Variants in PXDN observed in about 807,000 individuals in gnomAD.
The protein encoded by PXDN is peroxidasin homolog.
In PXDN, 77 loss-of-function variants were observed where a neutral mutation model predicts 140.3. That is an observed-to-expected ratio of 0.55 (90% CI 0.46 to 0.66). The LOEUF is 0.66. Ranked by LOEUF, PXDN falls within the 30% of genes least tolerant of loss-of-function variation. The pLI, the probability that PXDN is intolerant of heterozygous loss-of-function variation, is 0.00. For missense variants in PXDN, 1,838 were observed against 2,039.5 expected (o/e 0.90, Z 1.90); for synonymous variants, 911 against 857.4 (o/e 1.06, Z -1.09).
At chr2:1,655,973 G>A (rs774691664) in intron 14 of PXDN, among the ~76,000 whole-genome samples, 5 of 150,636 alleles carry the variant, frequency 3.3e-5, no homozygotes, top group South Asian at 2.1e-4. Flanking sequence ...TAAATAACAC[G>A]CACATAGCCC....
chr2:1,716,598 C>T (rs1684902174), intron 1 of PXDN, among the ~76,000 whole-genome samples: 1 of 152,076 alleles, frequency 6.6e-6, no homozygotes, highest in Non-Finnish European at 1.5e-5. Flanking sequence ...CACAGGGACA[C>T]CCTCTACCTG....
intron 1 of PXDN, among the ~76,000 whole-genome samples, chr2:1,724,475 A>T (rs1225198179): frequency 6.6e-6 from 1 of 152,128 alleles, no homozygotes; most frequent in Non-Finnish European, 1.5e-5. Flanking sequence ...CATCTTTATG[A>T]GTGTTTATCT....
intron 13 of PXDN, 119 bp from the exon 14 acceptor site, chr2:1,661,156 G>T: frequency 8.3e-7 from 1 of 1,201,680 alleles, no homozygotes; most frequent in Non-Finnish European, 1.2e-6. Flanking sequence ...AAGCTCCCAG[G>T]CTGCGCTCAG....
chr2:1,683,228 A>G (rs1683956390), intron 6 of PXDN, among the ~76,000 whole-genome samples: 1 of 150,328 alleles, frequency 6.7e-6, no homozygotes, highest in South Asian at 2.1e-4. Context: ...AAAAAGAAAA[A>G]AAGAAAGAAA....
intron 1 of PXDN, among the ~76,000 whole-genome samples, chr2:1,718,494 CACTCAAACCT>C (rs1480221703): frequency 6.6e-6 from 1 of 152,168 alleles, no homozygotes; most frequent in Non-Finnish European, 1.5e-5. Context: ...ACTAACCTAC[CACTCAAACCT>C]ACTCCATTAA....
intron 16 of PXDN, among the ~76,000 whole-genome samples, chr2:1,652,533 C>T (rs547994757): frequency 1.1e-3 from 169 of 152,160 alleles, no homozygotes; most frequent in Non-Finnish European, 2.1e-3. Context: ...TGGAGTTTCA[C>T]CCATCGAGAA....
chr2:1,697,135 G>A (rs934382577), intron 1 of PXDN, among the ~76,000 whole-genome samples: 4 of 152,140 alleles, frequency 2.6e-5, no homozygotes, highest in African/African-American at 9.7e-5. Context: ...AGTAACGTGG[G>A]TTCAAATAAG....
At chr2:1,689,032 G>A (rs990328339) in intron 3 of PXDN, among the ~76,000 whole-genome samples, 3 of 151,880 alleles carry the variant, frequency 2.0e-5, no homozygotes, top group Non-Finnish European at 4.4e-5. Flanking sequence ...GCCTTAACAC[G>A]AACCACCCAG....
In PXDN at chr2:1,649,582, G is replaced by C. The variant is rs372430177; in HGVS notation, c.2198C>G (p.Ser733Trp). Reference sequence around the variant, plus strand: ...GTACTTCTGGTGGAAGCACATGTCCGAGCAGTTGTTCACGCGCCGGTGGGC... The same window carrying C: ...GTACTTCTGGTGGAAGCACATGTCCCAGCAGTTGTTCACGCGCCGGTGGGC... ...CTAHRRVNNC[S>W]DMCFHQKYRT... The change falls in exon 17 of 23, where the codon TCG becomes TGG. Residue 733 changes from serine to tryptophan, a missense_variant. This residue lies in a region of PXDN where 537 missense variants were observed against 583.9 expected (regional missense o/e 0.92). Transcript: ENST00000252804. The surrounding 1 kb of genome is among the most constrained non-coding windows in gnomAD (Gnocchi z 7.1). 10 of 1,613,918 alleles carry C rather than the reference G, an allele frequency of 6.2e-6. No homozygotes were observed. Among genetic ancestry groups the C allele is most frequent in the Non-Finnish European group, 7.6e-6 (9 of 1,179,908 alleles).
At chr2:1,737,187 CA>C (rs1685440827) in intron 1 of PXDN, among the ~76,000 whole-genome samples, 2 of 152,180 alleles carry the variant, frequency 1.3e-5, no homozygotes, top group Admixed American at 6.5e-5. Context: ...CCAGAACACC[CA>C]AGGCCCTCAG....
At chr2:1,744,673 G>A (rs1007704075), upstream of PXDN, 7 of 354,950 alleles carry the variant, frequency 2.0e-5, no homozygotes, top group African/African-American at 1.3e-4. Flanking sequence ...CCCTCATCCC[G>A]GTGGGGCGGC....
chr2:1,703,462 G>C (rs532524891), intron 1 of PXDN, among the ~76,000 whole-genome samples: 2 of 38,992 alleles, frequency 5.1e-5, no homozygotes, highest in South Asian at 2.6e-3. Context: ...CGGTGAAGGA[G>C]AGACAACTCC....
At chr2:1,721,422 G>C (rs1558526543) in intron 1 of PXDN, among the ~76,000 whole-genome samples, 1 of 152,166 alleles carries the variant, frequency 6.6e-6, no homozygotes, top group African/African-American at 2.4e-5. Flanking sequence ...ATCCCACTGG[G>C]CATTCATCCA....
intron 1 of PXDN, among the ~76,000 whole-genome samples, chr2:1,718,037 C>T (rs1406088676): frequency 6.6e-6 from 1 of 151,076 alleles, no homozygotes; most frequent in East Asian, 2.0e-4. Context: ...CAAAGCTATT[C>T]TACTAACCAA....
chr2:1,636,696 A>AAAC, intron 21 of PXDN: 1 of 139,704 alleles, frequency 7.2e-6, no homozygotes, highest in Admixed American at 6.8e-5. Context: ...CCATGGGGGA[A>AAAC]AAAAAAAAAA....
intron 17 of PXDN, among the ~76,000 whole-genome samples, chr2:1,646,579 A>C (rs1659829946): frequency 6.6e-6 from 1 of 152,218 alleles, no homozygotes; most frequent in Admixed American, 6.5e-5. Context: ...GAACATATTA[A>C]ATTTAATAGG....
chr2:1,659,705 T>C (rs1683258617), intron 14 of PXDN, among the ~76,000 whole-genome samples: 2 of 150,962 alleles, frequency 1.3e-5, no homozygotes, highest in East Asian at 3.9e-4. Flanking sequence ...TTCATCAACT[T>C]AATTTTACAC....
intron 1 of PXDN, among the ~76,000 whole-genome samples, chr2:1,706,776 ACAC>A: frequency 7.8e-6 from 1 of 128,090 alleles, no homozygotes; most frequent in African/African-American, 3.5e-5. Flanking sequence ...ATCCGAGAGC[ACAC>A]TTCAGTGATC....
At chr2:1,731,539 CAGCTGGGATCCTTGGGTCAATGTCAG>C (rs1446874633) in intron 1 of PXDN, among the ~76,000 whole-genome samples, 1 of 152,192 alleles carries the variant, frequency 6.6e-6, no homozygotes, top group Non-Finnish European at 1.5e-5. Flanking sequence ...AGGCGGGGCA[CAGCTGGGATCCTTGGGTCAATGTCAG>C]AGCAAACATG....
Sources: allele counts gnomAD v4.1 joint callset (sites outside exome capture counted in the v4.1 genomes callset), GRCh38; gene constraint gnomAD v4.1.1; regional missense constraint gnomAD v4.1.1; non-coding constraint Gnocchi (gnomAD v3.1); transcripts MANE v1.5; gene names NCBI Gene and HGNC (gene_info 2026-07-23, HGNC 2026-07-21).